Variants in BACH2 observed in about 807,000 individuals in gnomAD.
The protein encoded by BACH2 is BACH transcriptional regulator 2.
In BACH2, 5 loss-of-function variants were observed where a neutral mutation model predicts 61.8. The ratio of observed to expected loss-of-function variants is 0.08; its 90% CI spans 0.04 to 0.17. The LOEUF (loss-of-function observed/expected upper bound fraction) is 0.17, where lower values mean the gene tolerates loss of function less well. BACH2 is among the 10% of genes least tolerant of loss of function. The pLI is 1.00. For missense variants in BACH2, 824 were observed against 1,091.1 expected (o/e 0.76, Z 3.45); for synonymous variants, 446 against 440.1 (o/e 1.01, Z -0.17).
chr6:90,000,738 T>C (rs1405652124), intron 6 of BACH2, among the ~76,000 whole-genome samples: 1 of 152,248 alleles, frequency 6.6e-6, no homozygotes, highest in Non-Finnish European at 1.5e-5. Context: ...GCCTATGTTC[T>C]AGGTGATCAG....
intron 5 of BACH2, among the ~76,000 whole-genome samples, chr6:90,054,227 C>T (rs749443349): frequency 7.9e-5 from 12 of 152,194 alleles, no homozygotes; most frequent in Admixed American, 1.3e-4. Flanking sequence ...TCAAAGAAAG[C>T]GGTGACAGAC....
intron 4 of BACH2, among the ~76,000 whole-genome samples, chr6:90,189,511 G>C (rs1215014574): frequency 6.6e-6 from 1 of 151,796 alleles, no homozygotes; most frequent in African/African-American, 2.4e-5. Flanking sequence ...GGGAGGCTGA[G>C]GCAGGAGAAT....
At chr6:90,043,928 T>C (rs1201141025) in intron 5 of BACH2, among the ~76,000 whole-genome samples, 1 of 152,200 alleles carries the variant, frequency 6.6e-6, no homozygotes, top group Non-Finnish European at 1.5e-5. Context: ...GTCATGCTTT[T>C]TTCTTCTTTT....
intron 4 of BACH2, among the ~76,000 whole-genome samples, chr6:90,169,520 CA>C (rs1412057339): frequency 1.3e-5 from 2 of 152,182 alleles, no homozygotes; most frequent in Non-Finnish European, 2.9e-5. Flanking sequence ...GTAGCCACTA[CA>C]ATTGTTTAAT....
chr6:90,222,626 C>T (rs1474394584), intron 3 of BACH2, among the ~76,000 whole-genome samples: 1 of 152,174 alleles, frequency 6.6e-6, no homozygotes, highest in Non-Finnish European at 1.5e-5. Context: ...TGCAGTGTCA[C>T]TTATGTAGGA....
chr6:89,997,730 G>GC (rs1490198200), intron 6 of BACH2, among the ~76,000 whole-genome samples: 4 of 152,122 alleles, frequency 2.6e-5, no homozygotes, highest in African/African-American at 9.7e-5. Flanking sequence ...AAGCAGGGAG[G>GC]CATCAGAAGG....
At chr6:90,043,534 T>A (rs962300550) in intron 5 of BACH2, among the ~76,000 whole-genome samples, 2 of 144,096 alleles carry the variant, frequency 1.4e-5, no homozygotes, top group African/African-American at 2.5e-5. Flanking sequence ...CTCTCCTCCC[T>A]CACTCCCTTT....
intron 3 of BACH2, among the ~76,000 whole-genome samples, chr6:90,231,235 A>G (rs1165131533): frequency 6.6e-6 from 1 of 152,216 alleles, no homozygotes; most frequent in Non-Finnish European, 1.5e-5. Context: ...AACTGTTTAG[A>G]GATAGGCATA....
chr6:90,038,733 T>G (rs1400087870), intron 5 of BACH2, among the ~76,000 whole-genome samples: 2 of 152,120 alleles, frequency 1.3e-5, no homozygotes, highest in Non-Finnish European at 2.9e-5. Context: ...TTTGTCCTTT[T>G]TTTTACACAG....
At chr6:90,191,899 T>A (rs1768586798) in intron 4 of BACH2, among the ~76,000 whole-genome samples, 1 of 152,216 alleles carries the variant, frequency 6.6e-6, no homozygotes, top group Admixed American at 6.5e-5. Flanking sequence ...ATTTAATTCA[T>A]TCTTAAAATG....
intron 5 of BACH2, among the ~76,000 whole-genome samples, chr6:90,038,488 T>G (rs961714078): frequency 2.0e-5 from 3 of 152,224 alleles, no homozygotes; most frequent in Admixed American, 2.0e-4. Flanking sequence ...AAGAGTGGTT[T>G]CTTCTAAAGA....
chr6:90,144,380 G>A (rs1784553541), intron 4 of BACH2, among the ~76,000 whole-genome samples: 1 of 152,132 alleles, frequency 6.6e-6, no homozygotes. Flanking sequence ...GGGAAGGAGG[G>A]AGGGAGGGAG....
At chr6:89,937,355 T>C (rs893449615) in intron 8 of BACH2, among the ~76,000 whole-genome samples, 1 of 152,142 alleles carries the variant, frequency 6.6e-6, no homozygotes, top group African/African-American at 2.4e-5. Context: ...TGGGTTTGCA[T>C]TCAAGTTCTA....
chr6:90,130,992 G>A (rs1261960882), intron 4 of BACH2, among the ~76,000 whole-genome samples: 2 of 152,198 alleles, frequency 1.3e-5, no homozygotes, highest in African/African-American at 4.8e-5. Context: ...ACTCTTAGAT[G>A]TTATTAGTGT....
At chr6:90,181,548 C>T (rs761663358) in intron 4 of BACH2, among the ~76,000 whole-genome samples, 13 of 151,874 alleles carry the variant, frequency 8.6e-5, no homozygotes, top group Non-Finnish European at 1.3e-4. Context: ...TATTGTACAG[C>T]TATATAATAT....
chr6:90,251,756 T>A (rs1460834666), intron 3 of BACH2, among the ~76,000 whole-genome samples: 1 of 152,156 alleles, frequency 6.6e-6, no homozygotes, highest in Non-Finnish European at 1.5e-5. Flanking sequence ...AAGCTTCTAA[T>A]AGGAGCATTT....
intron 5 of BACH2, among the ~76,000 whole-genome samples, chr6:90,075,620 G>GAT (rs1781441566): frequency 1.3e-5 from 2 of 152,048 alleles, no homozygotes; most frequent in Admixed American, 1.3e-4. Context: ...TCAAATCCAA[G>GAT]ATATTATTAT....
intron 4 of BACH2, among the ~76,000 whole-genome samples, chr6:90,197,671 A>T (rs2127846683): frequency 6.6e-6 from 1 of 152,324 alleles, no homozygotes; most frequent in South Asian, 2.1e-4. Flanking sequence ...CTGAGGCTGC[A>T]TGGCTGTTGT....
chr6:90,242,614 G>A (rs942631283), intron 3 of BACH2, among the ~76,000 whole-genome samples: 1 of 152,154 alleles, frequency 6.6e-6, no homozygotes, highest in Non-Finnish European at 1.5e-5. Context: ...ATGCGTAGTT[G>A]CTGAATTGTA....
Sources: allele counts gnomAD v4.1 joint callset (sites outside exome capture counted in the v4.1 genomes callset), GRCh38; gene constraint gnomAD v4.1.1; transcripts MANE v1.5; gene names NCBI Gene and HGNC (gene_info 2026-07-23, HGNC 2026-07-21).